Variants in IQSEC1 observed in about 807,000 individuals in gnomAD.
The protein encoded by IQSEC1 is IQ motif and Sec7 domain ArfGEF 1.
A neutral mutation model predicts 91.0 loss-of-function variants in IQSEC1; 31 were observed. The observed-to-expected ratio is 0.34, with a 90% CI of 0.26 to 0.46. IQSEC1 has a LOEUF of 0.46. Ranked by LOEUF, IQSEC1 falls within the 20% of genes least tolerant of loss-of-function variation. The probability of loss-of-function intolerance (pLI) is 1.00; values close to 1 mark genes in which losing one functional copy is unlikely to be tolerated. For missense variants in IQSEC1, 1,388 were observed against 1,575.6 expected (o/e 0.88, Z 2.02); for synonymous variants, 699 against 662.6 (o/e 1.05, Z -0.84).
intron 1 of IQSEC1, among the ~76,000 whole-genome samples, chr3:13,246,868 G>A (rs1331675008): frequency 1.3e-5 from 2 of 152,172 alleles, no homozygotes; most frequent in East Asian, 1.9e-4. Flanking sequence ...GGACACAGCT[G>A]GGGCCCCACC....
At chr3:13,195,503 G>A (rs1233938029) in intron 1 of IQSEC1, among the ~76,000 whole-genome samples, 5 of 152,238 alleles carry the variant, frequency 3.3e-5, no homozygotes, top group Admixed American at 3.3e-4. Context: ...AAAGCAAACT[G>A]TGGCGAATCC....
chr3:13,124,504 TGATAACA>T (rs1706478624), intron 2 of IQSEC1, among the ~76,000 whole-genome samples: 1 of 152,158 alleles, frequency 6.6e-6, no homozygotes, highest in Admixed American at 6.5e-5. Flanking sequence ...GCCCTTCCTT[TGATAACA>T]GAAAACAGAG....
chr3:12,985,508 C>T (rs1402886211), intron 1 of IQSEC1, among the ~76,000 whole-genome samples: 1 of 151,882 alleles, frequency 6.6e-6, no homozygotes, highest in Non-Finnish European at 1.5e-5. Flanking sequence ...CCCCCGCCAA[C>T]CGTTTGCCCT....
At chr3:13,272,073 A>G (rs1246636528) in intron 1 of IQSEC1, among the ~76,000 whole-genome samples, 2 of 152,218 alleles carry the variant, frequency 1.3e-5, no homozygotes, top group Non-Finnish European at 2.9e-5. Flanking sequence ...AAGGACTGAA[A>G]TCACACAAAG....
At chr3:13,136,413 C>T (rs953996002) in intron 2 of IQSEC1, among the ~76,000 whole-genome samples, 3 of 152,172 alleles carry the variant, frequency 2.0e-5, no homozygotes, top group African/African-American at 7.2e-5. Flanking sequence ...AAAAAGCTCG[C>T]CAAGCATTAA....
In IQSEC1 at chr3:13,148,006, T is replaced by G. The variant is rs1363126523; in HGVS notation, c.302+16098A>C. Among the ~76,000 whole-genome samples the G allele has an allele frequency of 4.6e-5, 7 of 152,352 alleles. No individual in the cohort carries two copies. The East Asian group carries it at 1.4e-3, about 29-fold the overall frequency. On this transcript the variant is annotated intron_variant, in intron 2 of 15. Transcript: ENST00000648114. ...CCAGTAGTGGGATTGCTGAATCCAA[T>G]GGTAGATCTACTTTTAGTTCTTTAA...
At chr3:13,263,449 G>C (rs1394204947) in intron 1 of IQSEC1, among the ~76,000 whole-genome samples, 3 of 141,642 alleles carry the variant, frequency 2.1e-5, no homozygotes, top group Non-Finnish European at 4.6e-5. Context: ...GAAAGTACCT[G>C]ACACTTTTTT....
chr3:13,189,882 C>T (rs1426540880), intron 1 of IQSEC1, among the ~76,000 whole-genome samples: 1 of 152,236 alleles, frequency 6.6e-6, no homozygotes, highest in Non-Finnish European at 1.5e-5. Context: ...TGTGACTCAT[C>T]TAGGCCAGTT....
chr3:13,240,065 A>G (rs889628261), intron 1 of IQSEC1, among the ~76,000 whole-genome samples: 3 of 148,464 alleles, frequency 2.0e-5, no homozygotes, highest in Admixed American at 2.0e-4. Context: ...CAACATCTAC[A>G]ACTTTTAATT....
chr3:13,238,002 C>G (rs1200730389), intron 1 of IQSEC1, among the ~76,000 whole-genome samples: 1 of 152,206 alleles, frequency 6.6e-6, no homozygotes, highest in Non-Finnish European at 1.5e-5. Context: ...TGGCCTTACT[C>G]TCCCCACCAG....
chr3:13,158,974 A>G (rs1707125592), intron 2 of IQSEC1, among the ~76,000 whole-genome samples: 1 of 151,938 alleles, frequency 6.6e-6, no homozygotes, highest in Non-Finnish European at 1.5e-5. Flanking sequence ...AAAAAAAAAA[A>G]TTCTTCTAAG....
intron 2 of IQSEC1, among the ~76,000 whole-genome samples, chr3:13,148,992 G>A (rs1427792062): frequency 6.6e-6 from 1 of 152,228 alleles, no homozygotes; most frequent in African/African-American, 2.4e-5. Flanking sequence ...ACCGCTGCTG[G>A]GCAGCGTCCT....
intron 2 of IQSEC1, among the ~76,000 whole-genome samples, chr3:13,089,998 G>A (rs1048399195): frequency 1.3e-5 from 2 of 152,180 alleles, no homozygotes; most frequent in Non-Finnish European, 2.9e-5. Flanking sequence ...GGTGGATCAC[G>A]AGGTCAGGAG....
At chr3:13,280,805 A>C (rs958345860) in intron 1 of IQSEC1, among the ~76,000 whole-genome samples, 5 of 152,216 alleles carry the variant, frequency 3.3e-5, no homozygotes, top group African/African-American at 1.2e-4. Flanking sequence ...TGGGCTGAGG[A>C]CTGTGCTGCC....
chr3:12,909,416 C>A lies in IQSEC1; in HGVS notation c.2435G>T (p.Arg812Leu). The A allele has an allele frequency of 6.2e-7, 1 of 1,614,004 alleles. No homozygotes were observed. Residue 812 changes from arginine (R) to leucine (L), a missense_variant, in exon 11 of 14, where the codon CGG becomes CTG. Physicochemically the swap from Arg to Leu is moderately radical, Grantham distance 102. Transcript: ENST00000613206. The surrounding 1 kb of genome is among the most constrained non-coding windows in gnomAD (Gnocchi z 4.9). ...FENQYYPNGI[R>L]LTSSVPGADI... ...TGCTCCGGGGACAGACGAGGTGAGC[C>A]GGATGCCATTGGGGTAGTCTGCAAA...
At chr3:12,941,349 C>A (rs1218729477) in intron 2 of IQSEC1, among the ~76,000 whole-genome samples, 4 of 152,194 alleles carry the variant, frequency 2.6e-5, no homozygotes, top group Non-Finnish European at 5.9e-5. Flanking sequence ...GCCAGACAAC[C>A]CAGGTCCTTC....
intron 1 of IQSEC1, among the ~76,000 whole-genome samples, chr3:13,219,463 G>A (rs1576299341): frequency 6.6e-6 from 1 of 152,364 alleles, no homozygotes; most frequent in African/African-American, 2.4e-5. Flanking sequence ...AAATTGGGAT[G>A]GCCACCATCA....
At chr3:13,195,145 A>T (rs1453303126) in intron 1 of IQSEC1, among the ~76,000 whole-genome samples, 1 of 152,254 alleles carries the variant, frequency 6.6e-6, no homozygotes, top group Non-Finnish European at 1.5e-5. Flanking sequence ...AAAATTGAAC[A>T]GTAAAACACC....
intron 1 of IQSEC1, among the ~76,000 whole-genome samples, chr3:13,069,145 G>C (rs934498079): frequency 6.6e-6 from 1 of 152,156 alleles, no homozygotes; most frequent in Admixed American, 6.5e-5. Context: ...GTGCTGTGTG[G>C]GTCATTCATA....
Sources: allele counts gnomAD v4.1 joint callset (sites outside exome capture counted in the v4.1 genomes callset), GRCh38; gene constraint gnomAD v4.1.1; non-coding constraint Gnocchi (gnomAD v3.1); transcripts MANE v1.5; gene names NCBI Gene and HGNC (gene_info 2026-07-23, HGNC 2026-07-21).